HIF1A: variants seen among roughly 807,000 people sequenced by gnomAD.
HIF1A encodes hypoxia-inducible factor 1-alpha.
In HIF1A, 24 loss-of-function variants were observed where a neutral mutation model predicts 92.7. That is an observed-to-expected ratio of 0.26 (90% confidence interval 0.19 to 0.36). The LOEUF is 0.36. HIF1A is among the 10% of genes least tolerant of loss of function. The pLI is 1.00. For missense variants in HIF1A, 799 were observed against 998.5 expected (o/e 0.80, Z 2.69); for synonymous variants, 319 against 338.7 (o/e 0.94, Z 0.64).
chr14:61,705,179 C>T (rs946410403), intron 1 of HIF1A, among the ~76,000 whole-genome samples: 1 of 152,044 alleles, frequency 6.6e-6, no homozygotes, highest in East Asian at 1.9e-4. Flanking sequence ...TGACCTCAGT[C>T]TGAGTATGTA....
At chr14:61,709,085 CG>C (rs1450948296) in intron 1 of HIF1A, among the ~76,000 whole-genome samples, 1 of 151,968 alleles carries the variant, frequency 6.6e-6, no homozygotes, top group Non-Finnish European at 1.5e-5. Context: ...TTAGTAGAGA[CG>C]GGGTTTCTCC....
At chr14:61,725,981 A>C (rs1271284223) in intron 4 of HIF1A, among the ~76,000 whole-genome samples, 8 of 151,746 alleles carry the variant, frequency 5.3e-5, no homozygotes, top group African/African-American at 1.9e-4. Context: ...TATCACACCC[A>C]GCTAATTTTT....
chr14:61,699,769 G>A (rs1005667255), intron 1 of HIF1A, among the ~76,000 whole-genome samples: 2 of 152,132 alleles, frequency 1.3e-5, no homozygotes, highest in Admixed American at 6.6e-5. Flanking sequence ...GTGTGTGTAT[G>A]TGTTTTCTGC....
Position 61,746,945 on chromosome 14 carries a change from A to G in HIF1A, c.2341A>G (p.Arg781Gly). The change falls in exon 15 of 15, where the codon AGA becomes GGA. Residue 781 changes from arginine to glycine, a missense_variant. This residue lies in a region of HIF1A where 283 missense variants were observed against 277.5 expected (regional missense o/e 1.02). Transcript: ENST00000337138. ...IILIPSDLAC[R>G]LLGQSMDESG... is the part of the protein sequence containing the mutation. ...CTTTTGTTTTTCAGATTTAGCATGTAGACTGCTGGGGCAATCAATGGATGA... is the reference window on the plus strand; with the variant it reads ...CTTTTGTTTTTCAGATTTAGCATGTGGACTGCTGGGGCAATCAATGGATGA... 6.2e-7 allele frequency: 1 copy of G among 1,603,884 alleles called. No homozygotes were observed. The highest frequency in any genetic ancestry group is 8.5e-7 in the Non-Finnish European group (1 of 1,177,080).
intron 1 of HIF1A, among the ~76,000 whole-genome samples, chr14:61,714,844 G>A (rs570922549): frequency 6.6e-6 from 1 of 152,224 alleles, no homozygotes; most frequent in African/African-American, 2.4e-5. Context: ...GACCAGCCTG[G>A]CCAACATAAT....
chr14:61,709,373 C>T (rs1490234254), intron 1 of HIF1A, among the ~76,000 whole-genome samples: 1 of 152,112 alleles, frequency 6.6e-6, no homozygotes, highest in Non-Finnish European at 1.5e-5. Context: ...AAAGTATTAG[C>T]TACTTAATAA....
In HIF1A at chr14:61,727,604, C is replaced by A; in HGVS notation, c.722C>A (p.Thr241Asn). The stretch of plus-strand genomic sequence containing the variant: ...ATTGAAATTCCTTTAGATAGCAAGA[C>A]TTTCCTCAGTCGACACAGCCTGGAT... Reference protein sequence around the residue: ...SNIEIPLDSKTFLSRHSLDMK... With the variant: ...SNIEIPLDSKNFLSRHSLDMK... The change falls in exon 6 of 15, where the codon ACT becomes AAT. Residue 241 changes from threonine to asparagine, a missense_variant. Transcript: ENST00000337138. 1.9e-6 allele frequency: 3 copies of A among 1,613,762 alleles called. No individual in the cohort carries two copies. The highest frequency in any genetic ancestry group is 2.5e-6 in the Non-Finnish European group (3 of 1,179,692).
At chr14:61,703,407 G>T (rs2044199708) in intron 1 of HIF1A, among the ~76,000 whole-genome samples, 1 of 152,256 alleles carries the variant, frequency 6.6e-6, no homozygotes, top group Admixed American at 6.5e-5. Flanking sequence ...TGTAGTCATT[G>T]GCTAACACAA....
chr14:61,706,580 G>C (rs946908559), intron 1 of HIF1A, among the ~76,000 whole-genome samples: 1 of 152,100 alleles, frequency 6.6e-6, no homozygotes, highest in East Asian at 1.9e-4. Context: ...AATTATTCTC[G>C]TTTTTCAAAA....
At chr14:61,732,263 G>A (rs1012562122) in intron 6 of HIF1A, among the ~76,000 whole-genome samples, 155 bp from the exon 7 acceptor site, 5 of 152,242 alleles carry the variant, frequency 3.3e-5, no homozygotes, top group Non-Finnish European at 7.3e-5. Flanking sequence ...TGCCAAAGGT[G>A]AGGTGTAAAT....
rs923667093 is a variant in HIF1A at position 61,733,300 on chromosome 14, G to T, written c.880+776G>T. Among the ~76,000 whole-genome samples, 9 of 152,260 alleles carry T rather than the reference G, an allele frequency of 5.9e-5. No homozygotes were observed. The South Asian group carries it at 1.9e-3, about 32-fold the overall frequency. ...AGGGTTTTGCCATGTTGGCCAGGCT[G>T]GTCTCGAACTCCTGACCTCAGGTTA... On this transcript the variant is annotated intron_variant, in intron 7 of 14. Coordinates refer to ENST00000337138, the MANE Select transcript of HIF1A (RefSeq NM_001530.4).
chr14:61,716,552 A>G (rs1246793719), intron 1 of HIF1A, among the ~76,000 whole-genome samples: 1 of 152,174 alleles, frequency 6.6e-6, no homozygotes, highest in Non-Finnish European at 1.5e-5. Context: ...TTTTTGTGCA[A>G]TACGAAAAGA....
At chr14:61,740,308 C>T (rs1471778884) in intron 10 of HIF1A, 197 bp from the exon 11 acceptor site, 4 of 395,000 alleles carry the variant, frequency 1.0e-5, no homozygotes, top group Non-Finnish European at 1.8e-5. Context: ...CTCATTATCC[C>T]TCCACCTTGG....
At chr14:61,696,908 G>T (rs2044123720) in intron 1 of HIF1A, among the ~76,000 whole-genome samples, 1 of 152,184 alleles carries the variant, frequency 6.6e-6, no homozygotes, top group Non-Finnish European at 1.5e-5. Context: ...AGTCTAAGGG[G>T]TACATTAGAG....
chr14:61,698,614 T>C (rs2044142028), intron 1 of HIF1A, among the ~76,000 whole-genome samples: 1 of 152,232 alleles, frequency 6.6e-6, no homozygotes, highest in African/African-American at 2.4e-5. Context: ...TTAGTTTCTT[T>C]TCTGTGTCTT....
intron 9 of HIF1A, among the ~76,000 whole-genome samples, 156 bp from the exon 10 acceptor site, chr14:61,737,931 G>A (rs911189038): frequency 6.6e-6 from 1 of 152,064 alleles, no homozygotes; most frequent in African/African-American, 2.4e-5. Context: ...GGAGGCTGAG[G>A]CAGGGGAATT....
At position 61,695,628 on chromosome 14, in the gene HIF1A, C is replaced by T. The variant is rs1405064303; in HGVS notation, c.-177C>T. 9.0e-6 allele frequency: 6 copies of T among 670,288 alleles called. No individual in the cohort carries two copies. The highest frequency in any genetic ancestry group is 2.9e-5 in the Admixed American group (1 of 34,518). The allele number at this position is 670,288 out of a possible 1,614,324, so 41.5% of individuals were successfully genotyped here. A position where few individuals can be genotyped will look rare whatever the true frequency, so the allele number is the denominator to read the frequency against. On this transcript the variant is annotated 5_prime_UTR_variant, in exon 1 of 15. Coordinates refer to ENST00000337138, the MANE Select transcript of HIF1A (RefSeq NM_001530.4). ...CTGAGGAGAGGCTCGGAGCCGGGCC[C>T]GGACCCCGGCGATTGCCGCCCGCTT... is the stretch of plus-strand genomic sequence containing the variant.
In HIF1A at chr14:61,744,783, T is replaced by C; in HGVS notation, c.2172T>C (p.His724=). The C allele has an allele frequency of 1.3e-6, 2 of 1,591,078 alleles. No homozygotes were observed. The highest frequency in any genetic ancestry group is 1.7e-6 in the Non-Finnish European group (2 of 1,162,374). The change falls in exon 13 of 15, where the codon CAT becomes CAC. Residue 724 remains histidine (H), a synonymous_variant. Transcript: ENST00000337138. The part of the protein sequence containing the change: ...QNAQRKRKME[H]DGSLFQAVGI... ...CTCAGAGAAAGCGAAAAATGGAACA[T>C]GATGGTTCACTTTTTCAAGCAGTAG...
intron 12 of HIF1A, among the ~76,000 whole-genome samples, chr14:61,744,228 C>A (rs2044748538): frequency 6.6e-6 from 1 of 152,002 alleles, no homozygotes; most frequent in Non-Finnish European, 1.5e-5. Flanking sequence ...TAGAAAATTT[C>A]CTGTTAAATT....
Sources: allele counts gnomAD v4.1 joint callset (sites outside exome capture counted in the v4.1 genomes callset), GRCh38; gene constraint gnomAD v4.1.1; regional missense constraint gnomAD v4.1.1; transcripts MANE v1.5; gene names NCBI Gene and HGNC (gene_info 2026-07-23, HGNC 2026-07-21).